The following KCNT1 variants were observed in gnomAD, a reference collection of about 807,000 sequenced individuals.
KCNT1 encodes the protein potassium sodium-activated channel subfamily T member 1, also known as potassium channel subfamily T member 1.
A neutral mutation model predicts 147.8 loss-of-function variants in KCNT1; 78 were observed. The ratio of observed to expected loss-of-function variants is 0.53; its 90% confidence interval spans 0.44 to 0.64. The LOEUF (loss-of-function observed/expected upper bound fraction) is 0.64, where lower values mean the gene tolerates loss of function less well. Ranked by LOEUF, KCNT1 falls within the 30% of genes least tolerant of loss-of-function variation. KCNT1 has a pLI of 0.00. For missense variants in KCNT1, 1,419 were observed against 1,750.3 expected, an observed-to-expected ratio of 0.81 and a Z score of 3.38; for synonymous variants, 867 against 748.8, an observed-to-expected ratio of 1.16 and a Z score of -2.58.
intron 24 of KCNT1, among the ~76,000 whole-genome samples, chr9:135,783,049 C>T (rs2131565474): frequency 6.6e-6 from 1 of 152,338 alleles, no homozygotes; most frequent in South Asian, 2.1e-4. Flanking sequence ...TCCGTGGGCG[C>T]ACACGCCTGC....
chr9:135,772,096 G>A (rs973591424), intron 18 of KCNT1, among the ~76,000 whole-genome samples: 5 of 152,198 alleles, frequency 3.3e-5, no homozygotes, highest in African/African-American at 9.7e-5. Flanking sequence ...CACTCGGGGG[G>A]CCGGGCCTGG....
chr9:135,775,454 C>A (rs374484189), intron 20 of KCNT1, 39 bp downstream of exon 20: 2 of 1,500,550 alleles, frequency 1.3e-6, no homozygotes, highest in Non-Finnish European at 1.8e-6. Flanking sequence ...CACCCCCAGA[C>A]GCCAGCACCG....
At chr9:135,779,584 C>T in intron 24 of KCNT1, 114 bp downstream of exon 24, 1 of 770,744 alleles carries the variant, frequency 1.3e-6, no homozygotes, top group Non-Finnish European at 2.2e-6. Flanking sequence ...CTGCCGCCCT[C>T]CTGCTGGGGA....
intron 2 of KCNT1, among the ~76,000 whole-genome samples, chr9:135,739,145 C>T (rs1209598437): frequency 1.3e-5 from 2 of 152,124 alleles, no homozygotes; most frequent in African/African-American, 2.4e-5. Context: ...CTCTTCTGGC[C>T]CTAGCACTGC....
chr9:135,721,247 G>C (rs1228895757), intron 2 of KCNT1, among the ~76,000 whole-genome samples: 6 of 152,206 alleles, frequency 3.9e-5, no homozygotes, highest in Admixed American at 3.3e-4. Flanking sequence ...CGTGCCTCCT[G>C]CCCAGAGCTG....
intron 24 of KCNT1, among the ~76,000 whole-genome samples, chr9:135,783,471 G>A (rs1023683680): frequency 3.3e-5 from 5 of 152,350 alleles, no homozygotes; most frequent in African/African-American, 7.2e-5. Flanking sequence ...CTCCAGAAAC[G>A]GGAGAGAGGA....
rs542435703 is a variant in KCNT1, at chr9:135,759,067, G to A, written c.854+559G>A. 3.9e-5 allele frequency among the ~76,000 whole-genome samples: 6 copies of A among 152,296 alleles called. No individual in the cohort carries two copies. The East Asian group carries it at 5.8e-4, about 15-fold the overall frequency. ...GGAGGGAGAGTGCCCTGCGTTTCCC[G>A]CCTCCCTTCCCCCCTGCCCCTCATG... On this transcript the variant is annotated intron_variant, in intron 10 of 30. Coordinates refer to ENST00000371757, the MANE Select transcript of KCNT1 (RefSeq NM_020822.3).
chr9:135,770,063 C>A lies in KCNT1; in HGVS notation c.1619+8C>A. On this transcript the variant is annotated splice_region_variant and intron_variant, in intron 16 of 30. Coordinates refer to ENST00000371757, the MANE Select transcript of KCNT1 (RefSeq NM_020822.3). ...GCACACGTCCCGCGGCCAGTGAGTG[C>A]CCCGTGCCCCGGGGGACCGACCTCC... is the stretch of plus-strand genomic sequence containing the variant. 2 of 1,545,782 alleles carry A rather than the reference C, an allele frequency of 1.3e-6. No homozygotes were observed. Among genetic ancestry groups the A allele is most frequent in the Non-Finnish European group, 1.7e-6 (2 of 1,144,240 alleles).
Position 135,735,633 on chromosome 9 carries a change from C to T in KCNT1, c.255-14465C>T, listed in dbSNP as rs543300647. 2.6e-5 allele frequency among the ~76,000 whole-genome samples: 4 copies of T among 152,218 alleles called. No homozygotes were observed. The South Asian group carries it at 8.3e-4, about 32-fold the overall frequency. On this transcript the variant is annotated intron_variant, in intron 2 of 30. Transcript: ENST00000371757. ...GCCCACTCCCTGGAGTTGGTGCTGT[C>T]AGGGGGTCCTAGGCCCACCTGCCTC...
intron 3 of KCNT1, chr9:135,750,656 C>T (rs1482005142): frequency 7.5e-6 from 4 of 535,790 alleles, no homozygotes; most frequent in Non-Finnish European, 1.3e-5. Context: ...TGCCTGCTCC[C>T]CAATCCCTAT....
intron 2 of KCNT1, among the ~76,000 whole-genome samples, chr9:135,735,680 G>A (rs1354446409): frequency 3.9e-5 from 6 of 152,148 alleles, no homozygotes; most frequent in African/African-American, 7.2e-5. Flanking sequence ...TGTACTCACT[G>A]GGCCCTGGCT....
chr9:135,748,504 T>C (rs1016189731), intron 2 of KCNT1, among the ~76,000 whole-genome samples: 1 of 152,216 alleles, frequency 6.6e-6, no homozygotes, highest in African/African-American at 2.4e-5. Context: ...AGCCAGTGCC[T>C]GCTCAGAGGG....
At chr9:135,784,469 G>A (rs889339313) in intron 25 of KCNT1, 66 bp from the exon 26 acceptor site, 28 of 1,127,036 alleles carry the variant, frequency 2.5e-5, no homozygotes, top group Middle Eastern at 2.8e-4. Context: ...CCGTGCCCGC[G>A]TGCCTCACTG....
chr9:135,751,268 C>G (rs1831149026), intron 4 of KCNT1, among the ~76,000 whole-genome samples: 1 of 151,986 alleles, frequency 6.6e-6, no homozygotes, highest in Non-Finnish European at 1.5e-5. Context: ...TCGTAGACTT[C>G]CAGCTGTGCC....
At chr9:135,716,085 T>C (rs1835709347) in intron 2 of KCNT1, among the ~76,000 whole-genome samples, 2 of 152,132 alleles carry the variant, frequency 1.3e-5, no homozygotes, top group South Asian at 4.1e-4. Flanking sequence ...GCTGGGAGGC[T>C]CTCCTGGGAG....
In KCNT1 at chr9:135,746,437, C is replaced by T. The variant is rs146992320; in HGVS notation, c.255-3661C>T. 8.0e-3 allele frequency among the ~76,000 whole-genome samples: 1,221 copies of T among 152,272 alleles called. 11 individuals are homozygous for T. The highest frequency in any genetic ancestry group is 0.013 in the Non-Finnish European group (906 of 68,028). On this transcript the variant is annotated intron_variant, in intron 2 of 30. Coordinates refer to ENST00000371757, the MANE Select transcript of KCNT1 (RefSeq NM_020822.3). Reference sequence around the variant, plus strand: ...CCTCAAAGAGAAGCTGCTGGGGGCGCGACTAGTCCCAGACCAGCAGCCCTC... The same window carrying T: ...CCTCAAAGAGAAGCTGCTGGGGGCGTGACTAGTCCCAGACCAGCAGCCCTC...
Position 135,730,990 on chromosome 9 carries a change from T to TGAAAAA in KCNT1, c.254+16270_254+16271insGAAAAA, listed in dbSNP as rs1554766004. 2.7e-3 allele frequency among the ~76,000 whole-genome samples: 233 copies of TGAAAAA among 85,578 alleles called. 13 individuals carry two copies. The highest frequency in any genetic ancestry group is 6.8e-3 in the African/African-American group (151 of 22,068). 56.1% of individuals were successfully genotyped at this position (85,578 alleles called of 152,430 possible). A position where few individuals can be genotyped will look rare whatever the true frequency, so the allele number is the denominator to read the frequency against. On this transcript the variant is annotated intron_variant, in intron 2 of 30. Coordinates refer to ENST00000371757, the MANE Select transcript of KCNT1 (RefSeq NM_020822.3). The surrounding 1 kb of genome is among the most constrained non-coding windows in gnomAD (Gnocchi z 4.7). Reference sequence around the variant, plus strand: ...AACAAAGTGAGATCCCGTCTCAAGGTAAAAAAAAAAAAAAAAAAAAAAAGT... The same window carrying TGAAAAA: ...AACAAAGTGAGATCCCGTCTCAAGGTGAAAAAAAAAAAAAAAAAAAAAAAAAAAAGT...
In KCNT1 at chr9:135,793,087, G is replaced by A. The variant is rs1383587956; in HGVS notation, c.*926G>A. On this transcript the variant is annotated 3_prime_UTR_variant, in exon 31 of 31. Transcript: ENST00000371757. ...GTCCTTTGCTGCTGGTTCCTTACTG[G>A]TTTGTACGGTCAGCGCTGGAAACTT... is the stretch of plus-strand genomic sequence containing the variant. 1 of 152,184 alleles carries A rather than the reference G, an allele frequency of 6.6e-6. No individual in the cohort carries two copies. The highest frequency in any genetic ancestry group is 1.5e-5 in the Non-Finnish European group (1 of 68,036). 9.4% of individuals were successfully genotyped at this position (152,184 alleles called of 1,614,324 possible).
intron 11 of KCNT1, among the ~76,000 whole-genome samples, chr9:135,761,372 GCTC>G (rs1396155045): frequency 6.6e-6 from 1 of 152,178 alleles, no homozygotes; most frequent in East Asian, 1.9e-4. Context: ...CCTGCATTCT[GCTC>G]CTTTCTCTGC....
Sources: gnomAD v4.1 joint callset for allele counts (sites outside exome capture counted in the v4.1 genomes callset) on GRCh38, gnomAD v4.1.1 for gene constraint, Gnocchi (gnomAD v3.1) non-coding constraint, MANE v1.5 for transcripts, NCBI Gene and HGNC (gene_info 2026-07-23, HGNC 2026-07-21) for gene names.